Variants in LNPEP observed in about 807,000 individuals in gnomAD.
The protein encoded by LNPEP is leucyl-cystinyl aminopeptidase.
In LNPEP, 64 loss-of-function variants were observed where a neutral mutation model predicts 120.6. The observed-to-expected ratio is 0.53, with a 90% CI of 0.43 to 0.65. The LOEUF (loss-of-function observed/expected upper bound fraction) is 0.65. Among genes scored for constraint, LNPEP ranks in the 30% least tolerant of loss-of-function variants. The pLI, the probability that LNPEP is intolerant of heterozygous loss-of-function variation, is 0.00. For missense variants in LNPEP, 1,057 were observed against 1,200.0 expected, an observed-to-expected ratio of 0.88 and a Z score of 1.76; for synonymous variants, 435 against 425.4, an observed-to-expected ratio of 1.02 and a Z score of -0.28.
chr5:96,962,105 T>C (rs1355900350), intron 1 of LNPEP, among the ~76,000 whole-genome samples: 1 of 152,192 alleles, frequency 6.6e-6, no homozygotes, highest in African/African-American at 2.4e-5. Context: ...TGTGGTACTA[T>C]CCTAAACCTC....
intron 1 of LNPEP, among the ~76,000 whole-genome samples, chr5:96,951,796 CA>C (rs34977452): frequency 0.44 from 66,929 of 151,652 alleles, 14,890 homozygotes; most frequent in Non-Finnish European, 0.49. Context: ...CAGGATGATC[CA>C]AAAAACCCCT....
In LNPEP at chr5:96,993,834, G is replaced by A. The variant is rs778817627; in HGVS notation, c.1270G>A (p.Asp424Asn). The A allele has an allele frequency of 1.2e-6, 2 of 1,613,706 alleles. No homozygotes were observed. Among genetic ancestry groups the A allele is most frequent in the Non-Finnish European group, 1.7e-6 (2 of 1,179,702 alleles). Residue 424 changes from aspartate to asparagine, a missense_variant, in exon 6 of 18, where the codon GAC becomes AAC. Transcript: ENST00000231368. Reference protein sequence around the residue: ...LKKLDLVAIPDFEAGAMENWG... With the variant: ...LKKLDLVAIPNFEAGAMENWG... ...ATGTCCAGATTTGGTGGCTATTCCT[G>A]ACTTTGAAGCAGGAGCAATGGAAAA...
intron 4 of LNPEP, among the ~76,000 whole-genome samples, chr5:96,986,958 G>T (rs760412549): frequency 6.6e-6 from 1 of 152,092 alleles, no homozygotes; most frequent in Non-Finnish European, 1.5e-5. Flanking sequence ...GTAGCCACTA[G>T]CCTTAGGGGG....
chr5:96,996,366 GTTAA>G lies in LNPEP; in HGVS notation c.1408-21_1408-18del, dbSNP rs1271175584. 7.8e-7 allele frequency: 1 copy of G among 1,273,960 alleles called. No homozygotes were observed. The highest frequency in any genetic ancestry group is 1.1e-6 in the Non-Finnish European group (1 of 890,254). The allele number at this position is 1,273,960 out of a possible 1,614,324, so 78.9% of individuals were successfully genotyped here. On this transcript the variant is annotated intron_variant, in intron 6 of 17. Transcript: ENST00000231368. ...TCCTGAGGCTGTAAATATCCTGTGG[GTTAA>G]TTGTTTTCTCTCCCCCCAGTGGTTT...
rs1791561135 is a variant in LNPEP, at chr5:97,035,716, G to A, written c.*7183G>A. 6.6e-6 allele frequency: 1 copy of A among 152,074 alleles called. No homozygotes were observed. The highest frequency in any genetic ancestry group is 1.5e-5 in the Non-Finnish European group (1 of 68,004). 9.4% of individuals were successfully genotyped at this position (152,074 alleles called of 1,614,324 possible). On this transcript the variant is annotated 3_prime_UTR_variant, in exon 18 of 18. Transcript: ENST00000231368. Reference sequence around the variant, plus strand: ...TTTAACACTTAGTCCCTTGCAAGGGGTCTGACTATACCTAACAAAAATAAA... The same window carrying A: ...TTTAACACTTAGTCCCTTGCAAGGGATCTGACTATACCTAACAAAAATAAA...
At chr5:96,985,036 G>A in intron 2 of LNPEP, 44 bp from the exon 3 acceptor site, 2 of 1,608,972 alleles carry the variant, frequency 1.2e-6, no homozygotes, top group East Asian at 2.2e-5. Flanking sequence ...GCCTTGTACA[G>A]TAGGTGCTCA....
intron 6 of LNPEP, among the ~76,000 whole-genome samples, chr5:96,994,843 C>T (rs1259253028): frequency 6.6e-6 from 1 of 152,226 alleles, no homozygotes; most frequent in Non-Finnish European, 1.5e-5. Flanking sequence ...GATGCAGTGG[C>T]TCACGCCTGT....
intron 1 of LNPEP, among the ~76,000 whole-genome samples, chr5:96,975,089 G>A (rs188632458): frequency 5.3e-5 from 8 of 152,214 alleles, no homozygotes; most frequent in South Asian, 2.1e-4. Context: ...CTACAAAATA[G>A]CACTGTTTCC....
chr5:96,975,998 T>G (rs564001438), intron 1 of LNPEP, among the ~76,000 whole-genome samples: 1 of 152,290 alleles, frequency 6.6e-6, no homozygotes, highest in South Asian at 2.1e-4. Context: ...TATGTGGATT[T>G]AAGAGGTTTT....
At position 96,982,851 on chromosome 5, in the gene LNPEP, G is replaced by A. The variant is rs193012110; in HGVS notation, c.861-2229G>A. ...CAAATTTTAAGTGTGGAAGAAGTTAGGACTATCTTGCATTTGTAATAAATA... is the reference window on the plus strand; with the variant it reads ...CAAATTTTAAGTGTGGAAGAAGTTAAGACTATCTTGCATTTGTAATAAATA... On this transcript the variant is annotated intron_variant, in intron 2 of 17. Coordinates refer to ENST00000231368, the MANE Select transcript of LNPEP (RefSeq NM_005575.3). 9.7e-4 allele frequency among the ~76,000 whole-genome samples: 148 copies of A among 152,204 alleles called. 1 individual carries two copies. The highest frequency in any genetic ancestry group is 6.8e-3 in the Middle Eastern group (2 of 294).
intron 1 of LNPEP, among the ~76,000 whole-genome samples, chr5:96,942,089 G>A (rs939914003): frequency 6.6e-6 from 1 of 152,156 alleles, no homozygotes; most frequent in Non-Finnish European, 1.5e-5. Context: ...TGGGAGCCTT[G>A]CCAAGAGATA....
chr5:97,010,901 T>C, intron 11 of LNPEP: 1 of 985,344 alleles, frequency 1.0e-6, no homozygotes, highest in Non-Finnish European at 1.2e-6. Flanking sequence ...TCAGAAGAAC[T>C]GAAAGAGACT....
chr5:97,022,931 A>G (rs1406529741), intron 14 of LNPEP, among the ~76,000 whole-genome samples: 3 of 151,842 alleles, frequency 2.0e-5, no homozygotes, highest in Non-Finnish European at 2.9e-5. Context: ...TACACATAAC[A>G]TAAAATTTAC....
At chr5:96,976,642 T>C (rs1228603380) in intron 1 of LNPEP, among the ~76,000 whole-genome samples, 1 of 152,064 alleles carries the variant, frequency 6.6e-6, no homozygotes, top group African/African-American at 2.4e-5. Context: ...CATTGTTGTC[T>C]GCAGTAGGCC....
chr5:97,013,571 A>T, intron 11 of LNPEP, 77 bp from the exon 12 acceptor site: 1 of 749,712 alleles, frequency 1.3e-6, no homozygotes, highest in Non-Finnish European at 2.0e-6. Flanking sequence ...ATAAACTAAA[A>T]AACAAAGCAC....
chr5:96,954,625 T>TATATATATAC lies in LNPEP; in HGVS notation c.19+18458_19+18459insTACATATATA, dbSNP rs1187570043. On this transcript the variant is annotated intron_variant, in intron 1 of 17. Coordinates refer to ENST00000231368, the MANE Select transcript of LNPEP (RefSeq NM_005575.3). ...CTCTCTCTCTCTCTCTCTCTATATATATATATACATATATACATATATACA... is the reference window on the plus strand; with the variant it reads ...CTCTCTCTCTCTCTCTCTCTATATATATATATATACATATATACATATATACATATATACA... 2.1e-3 allele frequency among the ~76,000 whole-genome samples: 257 copies of TATATATATAC among 121,364 alleles called. 45 individuals are homozygous for TATATATATAC. The Middle Eastern group carries it at 0.022, about 10-fold the overall frequency. 79.6% of individuals were successfully genotyped at this position (121,364 alleles called of 152,430 possible). A position where few individuals can be genotyped will look rare whatever the true frequency, so the allele number is the denominator to read the frequency against.
In LNPEP at chr5:97,032,289, T is replaced by C. The variant is rs184643128; in HGVS notation, c.*3756T>C. The C allele has an allele frequency of 6.6e-6, 1 of 152,368 alleles. No individual in the cohort carries two copies. The highest frequency in any genetic ancestry group is 1.9e-4 in the East Asian group (1 of 5,194). 9.4% of individuals were successfully genotyped at this position (152,368 alleles called of 1,614,324 possible). ...ATTTTTAAAAACTAAGTTATATATA[T>C]ATTTGCTTGTTTTTGCATTCTTTTA... On this transcript the variant is annotated 3_prime_UTR_variant, in exon 18 of 18. Transcript: ENST00000231368.
intron 11 of LNPEP, among the ~76,000 whole-genome samples, chr5:97,008,884 C>A (rs1790858545): frequency 6.6e-6 from 1 of 151,846 alleles, no homozygotes; most frequent in Admixed American, 6.6e-5. Flanking sequence ...GATCTCCTGA[C>A]CTCGTGATCC....
chr5:96,994,510 A>C (rs912306746), intron 6 of LNPEP, among the ~76,000 whole-genome samples: 15 of 149,576 alleles, frequency 1.0e-4, no homozygotes, highest in African/African-American at 3.5e-4. Flanking sequence ...GTTCTCTGTT[A>C]ATTTTGGAGA....
Sources: allele counts gnomAD v4.1 joint callset (sites outside exome capture counted in the v4.1 genomes callset), GRCh38; gene constraint gnomAD v4.1.1; transcripts MANE v1.5; gene names NCBI Gene and HGNC (gene_info 2026-07-23, HGNC 2026-07-21).